Variants in IMMP2L observed in about 807,000 individuals in gnomAD.
IMMP2L encodes inner mitochondrial membrane peptidase subunit 2, also known as mitochondrial inner membrane protease subunit 2.
Under a neutral mutation model 19.3 loss-of-function variants are expected in IMMP2L, and 18 were observed. The ratio of observed to expected loss-of-function variants is 0.93; its 90% CI spans 0.64 to 1.38. The LOEUF (loss-of-function observed/expected upper bound fraction) is 1.38. Among genes scored for constraint, IMMP2L ranks in the 40% most tolerant of loss-of-function variants. IMMP2L has a pLI of 0.00. For missense variants in IMMP2L, 233 were observed against 218.2 expected, an observed-to-expected ratio of 1.07 and a Z score of -0.43; for synonymous variants, 76 against 73.0, an observed-to-expected ratio of 1.04 and a Z score of -0.21.
intron 5 of IMMP2L, among the ~76,000 whole-genome samples, chr7:110,816,492 C>A (rs1288398363): frequency 6.6e-6 from 1 of 151,646 alleles, no homozygotes; most frequent in African/African-American, 2.4e-5. Flanking sequence ...CTGCTTGGTG[C>A]AGAGCTGAGT....
At chr7:110,845,269 T>C (rs1805551223) in intron 5 of IMMP2L, among the ~76,000 whole-genome samples, 1 of 152,166 alleles carries the variant, frequency 6.6e-6, no homozygotes, top group Admixed American at 6.5e-5. Flanking sequence ...AAGATAGTAA[T>C]TGATGAATGA....
chr7:110,823,550 A>G (rs1172789585), intron 5 of IMMP2L, among the ~76,000 whole-genome samples: 1 of 152,136 alleles, frequency 6.6e-6, no homozygotes, highest in Non-Finnish European at 1.5e-5. Flanking sequence ...TCCTAAGAAT[A>G]GGGACATTCT....
chr7:110,909,273 T>C (rs533986613), intron 4 of IMMP2L, among the ~76,000 whole-genome samples: 2 of 152,268 alleles, frequency 1.3e-5, no homozygotes, highest in Admixed American at 6.5e-5. Flanking sequence ...AGTCCAGTGG[T>C]ATTATTTAAT....
chr7:110,886,842 GA>G (rs1810273010), intron 4 of IMMP2L, 147 bp from the exon 5 acceptor site: 1 of 495,766 alleles, frequency 2.0e-6, no homozygotes, highest in Non-Finnish European at 3.6e-6. Flanking sequence ...TTTTAAGGAA[GA>G]TGTGGTTAGA....
At chr7:110,841,774 C>T (rs749165567) in intron 5 of IMMP2L, among the ~76,000 whole-genome samples, 3 of 151,970 alleles carry the variant, frequency 2.0e-5, no homozygotes, top group Non-Finnish European at 2.9e-5. Context: ...ACAAAAAGTG[C>T]TTACATATTT....
chr7:110,706,346 C>T (rs1206263308), intron 5 of IMMP2L, among the ~76,000 whole-genome samples: 1 of 152,166 alleles, frequency 6.6e-6, no homozygotes. Context: ...CCCAGCAATC[C>T]TTCCACCTTG....
chr7:111,029,845 T>C (rs1827220394), intron 3 of IMMP2L, among the ~76,000 whole-genome samples: 1 of 152,180 alleles, frequency 6.6e-6, no homozygotes, highest in Non-Finnish European at 1.5e-5. Context: ...AAGAAAATTA[T>C]TGCTAGTCAA....
rs1831804242 is a variant in IMMP2L at position 111,386,812 on chromosome 7, C to T, written c.239+100426G>A. ...CAAGATCTACCTTTAATGTGTTTGG[C>T]AAAAATATCTGTGCCATAAACTATT... On this transcript the variant is annotated intron_variant, in intron 3 of 5. Coordinates refer to ENST00000405709, the MANE Select transcript of IMMP2L (RefSeq NM_032549.4). 2.0e-5 allele frequency among the ~76,000 whole-genome samples: 3 copies of T among 151,960 alleles called. No homozygotes were observed. In the South Asian group the frequency reaches 6.2e-4, roughly 32 times the overall value.
chr7:111,040,856 T>C (rs1190118120), intron 3 of IMMP2L, among the ~76,000 whole-genome samples: 1 of 151,624 alleles, frequency 6.6e-6, no homozygotes, highest in Non-Finnish European at 1.5e-5. Context: ...AGATTTTAAC[T>C]TGGGCAATAA....
At chr7:110,781,229 A>G (rs559316638) in intron 5 of IMMP2L, among the ~76,000 whole-genome samples, 1 of 151,912 alleles carries the variant, frequency 6.6e-6, no homozygotes, top group South Asian at 2.1e-4. Context: ...CATTTATTAA[A>G]TTGGGAGTTG....
chr7:110,683,755 C>T (rs982813757), intron 5 of IMMP2L, among the ~76,000 whole-genome samples: 1 of 152,116 alleles, frequency 6.6e-6, no homozygotes, highest in Non-Finnish European at 1.5e-5. Context: ...ATATAGACTT[C>T]ATTGTTGTTA....
chr7:111,498,919 T>C (rs1473366767), intron 2 of IMMP2L, among the ~76,000 whole-genome samples: 1 of 151,904 alleles, frequency 6.6e-6, no homozygotes, highest in African/African-American at 2.4e-5. Context: ...AAACAGCTTA[T>C]CAAAAGGAAC....
intron 3 of IMMP2L, among the ~76,000 whole-genome samples, chr7:110,986,855 A>C (rs1821914337): frequency 6.6e-6 from 1 of 152,178 alleles, no homozygotes; most frequent in East Asian, 1.9e-4. Flanking sequence ...CTTCAAGAAA[A>C]CACCCAAACA....
intron 5 of IMMP2L, among the ~76,000 whole-genome samples, chr7:110,773,814 T>C (rs1316107027): frequency 7.1e-6 from 1 of 141,680 alleles, no homozygotes; most frequent in East Asian, 2.0e-4. Flanking sequence ...CTCAATGCAG[T>C]TAATAGTCTA....
intron 1 of IMMP2L, among the ~76,000 whole-genome samples, chr7:111,552,734 C>T (rs1790821019): frequency 6.6e-6 from 1 of 152,160 alleles, no homozygotes; most frequent in South Asian, 2.1e-4. Flanking sequence ...TGATCCTTGC[C>T]TCATGTCCTT....
At chr7:111,283,728 T>C (rs1820157920) in intron 3 of IMMP2L, among the ~76,000 whole-genome samples, 1 of 151,820 alleles carries the variant, frequency 6.6e-6, no homozygotes, top group South Asian at 2.1e-4. Flanking sequence ...TCCCAGCACT[T>C]TGGGAGGCCG....
chr7:111,470,350 T>G (rs1376946631), intron 3 of IMMP2L, among the ~76,000 whole-genome samples: 5 of 151,846 alleles, frequency 3.3e-5, no homozygotes, highest in Non-Finnish European at 7.4e-5. Flanking sequence ...AGAAATACCA[T>G]TTGACCCAGC....
At chr7:111,367,299 G>T (rs754243938) in intron 3 of IMMP2L, among the ~76,000 whole-genome samples, 3 of 151,660 alleles carry the variant, frequency 2.0e-5, no homozygotes, top group Non-Finnish European at 2.9e-5. Flanking sequence ...ATAAGAATAC[G>T]AAGAGCCCTC....
chr7:111,283,700 G>T (rs886703125), intron 3 of IMMP2L, among the ~76,000 whole-genome samples: 1 of 151,978 alleles, frequency 6.6e-6, no homozygotes, highest in African/African-American at 2.4e-5. Flanking sequence ...GGCCGGGCGC[G>T]GTGGCTCACG....
Sources: gnomAD v4.1 joint callset for allele counts (sites outside exome capture counted in the v4.1 genomes callset) on GRCh38, gnomAD v4.1.1 for gene constraint, MANE v1.5 for transcripts, NCBI Gene and HGNC (gene_info 2026-07-23, HGNC 2026-07-21) for gene names.